RIMS1: variants seen among roughly 807,000 people sequenced by gnomAD.
RIMS1 encodes the protein regulating synaptic membrane exocytosis protein 1.
Under a neutral mutation model 214.1 loss-of-function variants are expected in RIMS1, and 83 were observed. The ratio of observed to expected loss-of-function variants is 0.39; its 90% CI spans 0.32 to 0.47. The LOEUF is 0.47. Ranked by LOEUF, RIMS1 falls within the 20% of genes least tolerant of loss-of-function variation. The pLI, the probability that RIMS1 is intolerant of heterozygous loss-of-function variation, is 0.99. For synonymous variants in RIMS1, 793 were observed against 786.8 expected (o/e 1.01, Z -0.13); for missense variants, 2,050 against 2,161.8 (o/e 0.95, Z 1.03).
chr6:72,314,105 T>C (rs1563938457), intron 28 of RIMS1, among the ~76,000 whole-genome samples: 1 of 152,148 alleles, frequency 6.6e-6, no homozygotes, highest in Non-Finnish European at 1.5e-5. Context: ...GTTAACAAAA[T>C]AGACATCCCT....
intron 2 of RIMS1, among the ~76,000 whole-genome samples, chr6:72,062,594 G>T (rs1188574342): frequency 6.6e-6 from 1 of 152,214 alleles, no homozygotes; most frequent in African/African-American, 2.4e-5. Context: ...CTACCTGTAG[G>T]AGAATGGTAA....
At position 72,290,713 on chromosome 6, in the gene RIMS1, G is replaced by A. The variant is rs770686490; in HGVS notation, c.3589G>A (p.Ala1197Thr). The change falls in exon 25 of 34, where the codon GCA becomes ACA. Residue 1197 changes from alanine (A) to threonine (T), a missense_variant. Transcript: ENST00000521978. ...LPTCLSRRGH[A>T]APRATDQPVI... is the part of the protein sequence containing the mutation. Reference sequence around the variant, plus strand: ...AACATGTCTTTCTAGAAGGGGACACGCAGCCCCAAGAGCAACTGATCAGCC... The same window carrying A: ...AACATGTCTTTCTAGAAGGGGACACACAGCCCCAAGAGCAACTGATCAGCC... 40 of 1,613,534 alleles carry A rather than the reference G, an allele frequency of 2.5e-5. No individual in the cohort carries two copies. The highest frequency in any genetic ancestry group is 3.1e-5 in the Non-Finnish European group (37 of 1,179,726).
chr6:72,309,868 A>G (rs1442381304), intron 27 of RIMS1, among the ~76,000 whole-genome samples: 1 of 152,040 alleles, frequency 6.6e-6, no homozygotes. Context: ...TCTAATATTT[A>G]TATTATATAC....
intron 29 of RIMS1, among the ~76,000 whole-genome samples, chr6:72,347,136 C>T (rs2097292633): frequency 1.3e-5 from 2 of 151,746 alleles, no homozygotes; most frequent in Non-Finnish European, 2.9e-5. Context: ...ATTCTCAGAA[C>T]GAAGACTTAT....
At chr6:72,294,504 A>G (rs537386440) in intron 26 of RIMS1, among the ~76,000 whole-genome samples, 12 of 151,882 alleles carry the variant, frequency 7.9e-5, no homozygotes, top group African/African-American at 2.9e-4. Context: ...AAATATTTCA[A>G]ATGGTTTAGA....
At chr6:72,219,873 GTTA>G (rs1305620389) in intron 6 of RIMS1, among the ~76,000 whole-genome samples, 2 of 151,522 alleles carry the variant, frequency 1.3e-5, no homozygotes, top group Non-Finnish European at 2.9e-5. Flanking sequence ...TATAAAGTTT[GTTA>G]TTATATTTTC....
At chr6:71,947,046 C>T (rs1788049135) in intron 1 of RIMS1, among the ~76,000 whole-genome samples, 1 of 152,028 alleles carries the variant, frequency 6.6e-6, no homozygotes, top group South Asian at 2.1e-4. Context: ...AAGTGCTCAA[C>T]ATCACTAATT....
chr6:72,239,829 C>G (rs971868128), intron 9 of RIMS1, among the ~76,000 whole-genome samples: 2 of 152,132 alleles, frequency 1.3e-5, no homozygotes, highest in East Asian at 3.9e-4. Context: ...TGTTGGTCCA[C>G]CTGTAGGTTC....
At chr6:72,368,229 CT>C (rs950641478) in intron 29 of RIMS1, among the ~76,000 whole-genome samples, 2 of 142,880 alleles carry the variant, frequency 1.4e-5, no homozygotes, top group East Asian at 2.1e-4. Flanking sequence ...AAAAAAGTTT[CT>C]TTTTTCCCCC....
intron 4 of RIMS1, among the ~76,000 whole-genome samples, chr6:72,116,043 T>G (rs146766017): frequency 0.012 from 1,846 of 152,132 alleles, 26 homozygotes; most frequent in African/African-American, 0.034. Flanking sequence ...CTATTCCTAC[T>G]TAATGTATTT....
At chr6:72,259,443 T>G (rs2077089122) in intron 18 of RIMS1, among the ~76,000 whole-genome samples, 1 of 152,158 alleles carries the variant, frequency 6.6e-6, no homozygotes. Flanking sequence ...TTATTGTGGG[T>G]CACAATATTT....
intron 2 of RIMS1, among the ~76,000 whole-genome samples, chr6:72,018,245 A>G (rs1263379030): frequency 6.6e-6 from 1 of 152,224 alleles, no homozygotes; most frequent in East Asian, 1.9e-4. Flanking sequence ...TTTTGGAAGT[A>G]GAATTGAAAG....
intron 4 of RIMS1, among the ~76,000 whole-genome samples, chr6:72,140,376 A>C (rs1013217563): frequency 6.6e-6 from 1 of 152,150 alleles, no homozygotes; most frequent in African/African-American, 2.4e-5. Context: ...TACAGTCTGT[A>C]AGGAGGTTAT....
chr6:72,254,361 C>A (rs1265645024), intron 16 of RIMS1, among the ~76,000 whole-genome samples: 3 of 152,214 alleles, frequency 2.0e-5, no homozygotes, highest in African/African-American at 7.2e-5. Flanking sequence ...AGTAATTACA[C>A]ACATTCTCAA....
At chr6:72,125,891 G>C (rs2039410537) in intron 4 of RIMS1, among the ~76,000 whole-genome samples, 1 of 152,198 alleles carries the variant, frequency 6.6e-6, no homozygotes, top group African/African-American at 2.4e-5. Context: ...GGTACCATCT[G>C]TCACGGCTTC....
At chr6:72,151,385 A>G (rs2043562787) in intron 4 of RIMS1, among the ~76,000 whole-genome samples, 1 of 152,200 alleles carries the variant, frequency 6.6e-6, no homozygotes, top group South Asian at 2.1e-4. Context: ...CGGAATCAGG[A>G]TGAAAGTCTA....
intron 12 of RIMS1, among the ~76,000 whole-genome samples, chr6:72,249,736 A>AT (rs1300257557): frequency 6.6e-6 from 1 of 152,154 alleles, no homozygotes; most frequent in African/African-American, 2.4e-5. Context: ...ATGCCACTGC[A>AT]TTCCAGCCTG....
chr6:72,016,284 G>T (rs537624071), intron 2 of RIMS1, among the ~76,000 whole-genome samples: 40 of 152,184 alleles, frequency 2.6e-4, no homozygotes, highest in Admixed American at 3.3e-4. Flanking sequence ...GTCTTTTGAT[G>T]TCAGGGTAGT....
intron 3 of RIMS1, among the ~76,000 whole-genome samples, chr6:72,098,305 CT>C (rs1452040311): frequency 9.0e-6 from 1 of 111,240 alleles, no homozygotes; most frequent in African/African-American, 3.3e-5. Flanking sequence ...TTTTTTTTTT[CT>C]TTTTTTTCTT....
Sources: gnomAD v4.1 joint callset for allele counts (sites outside exome capture counted in the v4.1 genomes callset) on GRCh38, gnomAD v4.1.1 for gene constraint, MANE v1.5 for transcripts, NCBI Gene and HGNC (gene_info 2026-07-23, HGNC 2026-07-21) for gene names.